DHX32: variants seen among roughly 807,000 people sequenced by gnomAD.
DHX32 encodes putative pre-mRNA-splicing factor ATP-dependent RNA helicase DHX32.
DHX32 carries 51 observed loss-of-function variants against 70.0 expected under a neutral mutation model. The observed-to-expected ratio is 0.73, with a 90% CI of 0.58 to 0.92. DHX32 has a LOEUF of 0.92. Ranked by LOEUF, DHX32 falls within the 40% of genes least tolerant of loss-of-function variation. DHX32 has a pLI of 0.00. For synonymous variants in DHX32, 310 were observed against 315.3 expected (o/e 0.98, Z 0.18); for missense variants, 762 against 891.8 (o/e 0.85, Z 1.85).
Position 125,836,444 on chromosome 10 carries a change from T to C in DHX32, c.*243A>G. 4 of 1,432,496 alleles carry C rather than the reference T, an allele frequency of 2.8e-6. No homozygotes were observed. The highest frequency in any genetic ancestry group is 3.6e-6 in the Non-Finnish European group (4 of 1,099,870). The allele number at this position is 1,432,496 out of a possible 1,614,324, so 88.7% of individuals were successfully genotyped here. On this transcript the variant is annotated 3_prime_UTR_variant, in exon 11 of 11. Coordinates refer to ENST00000284690, the MANE Select transcript of DHX32 (RefSeq NM_018180.3). ...ACAAAATACCAGTTTTTTAAAATTT[T>C]GGTCAAATTATGAGTGGTTGATTTA...
rs749074303 is a variant in DHX32, at chr10:125,854,209, G to GA, written c.850-7dup. 1,326 of 1,491,520 alleles carry GA rather than the reference G, an allele frequency of 8.9e-4. 1 individual carries two copies. The highest frequency in any genetic ancestry group is 2.3e-3 in the South Asian group (172 of 73,990). The allele number at this position is 1,491,520 out of a possible 1,614,324, so 92.4% of individuals were successfully genotyped here. A position where few individuals can be genotyped will look rare whatever the true frequency, so the allele number is the denominator to read the frequency against. ...TCACAGACTTTCTCAATATCCTAAA[G>GA]AAAAAAAAACCCATGAAAATAAAAT... On this transcript the variant is annotated splice_region_variant and splice_polypyrimidine_tract_variant and intron_variant, in intron 3 of 10. Transcript: ENST00000284690.
rs769950769 is a variant in DHX32 at position 125,839,231 on chromosome 10, A to G, written c.1694-43T>C. On this transcript the variant is annotated intron_variant, in intron 8 of 10. Transcript: ENST00000284690. ...CAAGGCTATTTAGAAATGATTTGTC[A>G]GAAGCTCTGAAGAGCCCAGGCCAGG... The G allele has an allele frequency of 2.6e-5, 42 of 1,596,580 alleles. No homozygotes were observed. The Middle Eastern group carries it at 1.0e-3, about 38-fold the overall frequency.
chr10:125,841,471 T>A, intron 7 of DHX32: 1 of 1,477,052 alleles, frequency 6.8e-7, no homozygotes, highest in South Asian at 1.4e-5. Context: ...TCTGCACTGA[T>A]TATTTCAGCA....
intron 6 of DHX32, among the ~76,000 whole-genome samples, chr10:125,847,642 A>C (rs1158699702): frequency 6.6e-6 from 1 of 152,170 alleles, no homozygotes; most frequent in Non-Finnish European, 1.5e-5. Flanking sequence ...AGCTCGTTAC[A>C]TGTGCACTTT....
chr10:125,861,040 C>T (rs1432638053), intron 2 of DHX32, among the ~76,000 whole-genome samples: 1 of 151,922 alleles, frequency 6.6e-6, no homozygotes, highest in East Asian at 2.0e-4. Flanking sequence ...GCGTGAGCCA[C>T]CGCGCCCGGC....
chr10:125,896,093 C>T, intron 1 of DHX32: 1 of 163,344 alleles, frequency 6.1e-6, no homozygotes. Context: ...ACGTCCACGG[C>T]CAACTGCGGG....
chr10:125,856,804 A>G (rs1944151061), intron 3 of DHX32, among the ~76,000 whole-genome samples: 1 of 151,992 alleles, frequency 6.6e-6, no homozygotes, highest in Non-Finnish European at 1.5e-5. Flanking sequence ...CAAAAAACAA[A>G]AACTAGCTGG....
chr10:125,843,510 G>T (rs1315357785), intron 6 of DHX32, among the ~76,000 whole-genome samples: 1 of 152,092 alleles, frequency 6.6e-6, no homozygotes, highest in African/African-American at 2.4e-5. Flanking sequence ...TACTCGGGAG[G>T]TTGAGGCAGG....
intron 6 of DHX32, among the ~76,000 whole-genome samples, chr10:125,845,667 A>T (rs2134034113): frequency 6.6e-6 from 1 of 152,334 alleles, no homozygotes; most frequent in Admixed American, 6.5e-5. Flanking sequence ...GTTGGAAAGG[A>T]TGTTAGAGAT....
rs1356098155 is a variant in DHX32 at position 125,854,064 on chromosome 10, T to G, written c.989A>C (p.Gln330Pro). The change falls in exon 4 of 11, where the codon CAA becomes CCA. Residue 330 changes from glutamine (Q) to proline (P), a missense_variant. Coordinates refer to ENST00000284690, the MANE Select transcript of DHX32 (RefSeq NM_018180.3). ...TAACACCACTCTTCTTTGATAAACT[T>G]GGCATCTTTTTTCTGTTTCATCGAG... is the stretch of plus-strand genomic sequence containing the variant. Reference protein sequence around the residue: ...KPLDETEKRCQVYQRRVVLTT... With the variant: ...KPLDETEKRCPVYQRRVVLTT... 1.2e-6 allele frequency: 2 copies of G among 1,613,990 alleles called. No individual in the cohort carries two copies. Among genetic ancestry groups the G allele is most frequent in the Non-Finnish European group, 1.7e-6 (2 of 1,180,016 alleles).
intron 1 of DHX32, among the ~76,000 whole-genome samples, chr10:125,890,101 TG>T (rs5788720): frequency 6.6e-6 from 1 of 152,294 alleles, no homozygotes; most frequent in Non-Finnish European, 1.5e-5. Context: ...GTTGCATCAC[TG>T]GGGGTTGAAG....
chr10:125,838,924 A>G, intron 9 of DHX32, 77 bp downstream of exon 9: 3 of 1,424,292 alleles, frequency 2.1e-6, no homozygotes, highest in Non-Finnish European at 1.9e-6. Context: ...TCATCATCCT[A>G]AGCCATTGTT....
intron 9 of DHX32, 115 bp downstream of exon 9, chr10:125,838,886 G>T: frequency 8.3e-7 from 1 of 1,202,122 alleles, no homozygotes; most frequent in Non-Finnish European, 1.2e-6. Flanking sequence ...ATAATAACAT[G>T]GATTTTTAGT....
upstream of DHX32, among the ~76,000 whole-genome samples, chr10:125,882,313 C>G (rs1489471745): frequency 6.6e-6 from 1 of 152,192 alleles, no homozygotes; most frequent in Non-Finnish European, 1.5e-5. Context: ...CTTTTCGGAT[C>G]ACCTGGTTTA....
At chr10:125,845,183 C>G (rs1423164592) in intron 6 of DHX32, among the ~76,000 whole-genome samples, 1 of 152,166 alleles carries the variant, frequency 6.6e-6, no homozygotes. Context: ...GGCATGTTTC[C>G]CATGTTCTTA....
chr10:125,893,087 A>G (rs1326870942), intron 1 of DHX32, among the ~76,000 whole-genome samples: 1 of 152,284 alleles, frequency 6.6e-6, no homozygotes, highest in African/African-American at 2.4e-5. Context: ...ATAAAATTCT[A>G]TAGGAAAGCA....
intron 3 of DHX32, among the ~76,000 whole-genome samples, chr10:125,855,220 CAA>C (rs752413341): frequency 2.4e-4 from 18 of 73,604 alleles, no homozygotes; most frequent in Admixed American, 4.6e-4. Context: ...GACTCCGTCT[CAA>C]AAAAAAAAAA....
intron 3 of DHX32, among the ~76,000 whole-genome samples, chr10:125,856,444 A>AGGAAACAACACGCTAAACATTCAGG (rs1437891085): frequency 6.6e-6 from 1 of 152,222 alleles, no homozygotes; most frequent in Non-Finnish European, 1.5e-5. Flanking sequence ...GCTAGGTGAT[A>AGGAAACAACACGCTAAACATTCAGG]GGAAACAACA....
At chr10:125,868,633 T>C (rs1330888063) in intron 1 of DHX32, among the ~76,000 whole-genome samples, 1 of 152,162 alleles carries the variant, frequency 6.6e-6, no homozygotes, top group Non-Finnish European at 1.5e-5. Flanking sequence ...CTATGAAAGA[T>C]GAAATTTTAA....
Sources: allele counts gnomAD v4.1 joint callset (sites outside exome capture counted in the v4.1 genomes callset), GRCh38; gene constraint gnomAD v4.1.1; transcripts MANE v1.5; gene names NCBI Gene and HGNC (gene_info 2026-07-23, HGNC 2026-07-21).